Variants in CSMD3 observed in about 807,000 individuals in gnomAD.
The protein encoded by CSMD3 is CUB and Sushi multiple domains 3.
CSMD3 carries 177 observed loss-of-function variants against 435.2 expected under a neutral mutation model. The ratio of observed to expected loss-of-function variants is 0.41; its 90% CI spans 0.36 to 0.46. The LOEUF is 0.46. Among genes scored for constraint, CSMD3 ranks in the 20% least tolerant of loss-of-function variants. The pLI is 0.34. For missense variants in CSMD3, 4,265 were observed against 4,504.6 expected (o/e 0.95, Z 1.52); for synonymous variants, 1,656 against 1,520.5 (o/e 1.09, Z -2.07).
At chr8:112,562,023 A>G (rs775932622) in intron 24 of CSMD3, among the ~76,000 whole-genome samples, 2 of 151,642 alleles carry the variant, frequency 1.3e-5, no homozygotes, top group Non-Finnish European at 3.0e-5. Context: ...TGAAAATGCT[A>G]TACTTCTATG....
chr8:113,426,250 G>T (rs1369423587), intron 1 of CSMD3, among the ~76,000 whole-genome samples: 1 of 151,274 alleles, frequency 6.6e-6, no homozygotes, highest in Non-Finnish European at 1.5e-5. Context: ...TGGATTCAGA[G>T]AAGCCATTTC....
intron 3 of CSMD3, among the ~76,000 whole-genome samples, chr8:113,245,510 T>C (rs1299128603): frequency 6.6e-6 from 1 of 152,072 alleles, no homozygotes; most frequent in Non-Finnish European, 1.5e-5. Context: ...TTCAGTAATA[T>C]ATAAAAAACT....
chr8:113,137,552 T>C (rs2091447466), intron 4 of CSMD3, among the ~76,000 whole-genome samples: 1 of 151,642 alleles, frequency 6.6e-6, no homozygotes, highest in Non-Finnish European at 1.5e-5. Context: ...ATCCAGTATC[T>C]GGGCACCAGC....
intron 5 of CSMD3, among the ~76,000 whole-genome samples, chr8:113,095,118 T>C (rs1013228348): frequency 2.0e-5 from 3 of 152,112 alleles, no homozygotes; most frequent in Non-Finnish European, 2.9e-5. Context: ...GCATCTATTA[T>C]GTAAAATTCC....
chr8:112,520,585 G>T (rs1824179635), intron 27 of CSMD3, among the ~76,000 whole-genome samples: 1 of 151,970 alleles, frequency 6.6e-6, no homozygotes, highest in South Asian at 2.1e-4. Flanking sequence ...AGAACAATTT[G>T]TATCCATTTA....
chr8:113,421,011 C>T (rs1180111249), intron 1 of CSMD3, among the ~76,000 whole-genome samples: 1 of 151,132 alleles, frequency 6.6e-6, no homozygotes, highest in African/African-American at 2.4e-5. Flanking sequence ...AGAAATACTA[C>T]TGATAGAAAT....
intron 22 of CSMD3, among the ~76,000 whole-genome samples, chr8:112,621,005 G>C (rs1834025975): frequency 6.6e-6 from 1 of 152,126 alleles, no homozygotes; most frequent in Non-Finnish European, 1.5e-5. Context: ...GGTAGGCCGA[G>C]GTGGGCGGAT....
At chr8:113,049,461 T>C (rs2087991234) in intron 5 of CSMD3, among the ~76,000 whole-genome samples, 1 of 151,582 alleles carries the variant, frequency 6.6e-6, no homozygotes, top group African/African-American at 2.4e-5. Flanking sequence ...CTAATATTAA[T>C]AATGAACTGT....
In CSMD3 at chr8:112,304,765, G is replaced by C. The variant is rs760904121; in HGVS notation, c.8222C>G (p.Pro2741Arg). The C allele has an allele frequency of 1.9e-6, 3 of 1,613,830 alleles. No homozygotes were observed. The highest frequency in any genetic ancestry group is 2.5e-6 in the Non-Finnish European group (3 of 1,179,790). Reference sequence around the variant, plus strand: ...ATTTCTCCAACTCCAAGTACCATTAGGAAGACATTCGATGGAGGCAGGACC... The same window carrying C: ...ATTTCTCCAACTCCAAGTACCATTACGAAGACATTCGATGGAGGCAGGACC... ...GLGPASIECL[P>R]NGTWSWRNER... Residue 2741 changes from proline (P) to arginine (R), a missense_variant, in exon 52 of 71, where the codon CCT (proline) becomes CGT (arginine). Coordinates refer to ENST00000297405, the MANE Select transcript of CSMD3 (RefSeq NM_198123.2).
intron 2 of CSMD3, among the ~76,000 whole-genome samples, chr8:113,302,618 CA>C (rs1337841402): frequency 6.6e-6 from 1 of 151,860 alleles, no homozygotes. Context: ...GTAAGATTAT[CA>C]AATGGTCACT....
rs1819902231 is a variant in CSMD3 at position 112,292,812 on chromosome 8, T to C, written c.8615-102A>G. 3.9e-6 allele frequency: 4 copies of C among 1,019,366 alleles called. No individual in the cohort carries two copies. In the Admixed American group the frequency reaches 5.8e-5, roughly 15 times the overall value. 63.1% of individuals were successfully genotyped at this position (1,019,366 alleles called of 1,614,324 possible). On this transcript the variant is annotated intron_variant, in intron 54 of 70. Transcript: ENST00000297405. ...TTATACTTAATCATTTCAAACAAAG[T>C]AGAAAGAAGACTACTTTTTATCTGG...
chr8:113,059,279 G>T (rs994776812), intron 5 of CSMD3, among the ~76,000 whole-genome samples: 12 of 152,066 alleles, frequency 7.9e-5, no homozygotes, highest in African/African-American at 2.9e-4. Flanking sequence ...TTATACTGGT[G>T]CTTTGAGACA....
At chr8:113,087,924 C>T (rs1443305539) in intron 5 of CSMD3, among the ~76,000 whole-genome samples, 1 of 151,742 alleles carries the variant, frequency 6.6e-6, no homozygotes, top group Non-Finnish European at 1.5e-5. Context: ...GAACAGGCAA[C>T]CTACAAAATG....
At chr8:112,583,233 T>G (rs1288860228) in intron 23 of CSMD3, among the ~76,000 whole-genome samples, 1 of 151,986 alleles carries the variant, frequency 6.6e-6, no homozygotes, top group Non-Finnish European at 1.5e-5. Context: ...ACTTCGTCCT[T>G]GAGTAACTAG....
intron 8 of CSMD3, among the ~76,000 whole-genome samples, chr8:112,949,169 A>C (rs993416406): frequency 6.6e-6 from 1 of 152,074 alleles, no homozygotes; most frequent in Non-Finnish European, 1.5e-5. Context: ...AAATTGATTC[A>C]TCAGATAAGA....
chr8:112,234,676 A>G (rs1051621039), intron 67 of CSMD3, among the ~76,000 whole-genome samples, 199 bp from the exon 68 acceptor site: 25 of 152,180 alleles, frequency 1.6e-4, no homozygotes, highest in African/African-American at 6.0e-4. Flanking sequence ...GTCTTCTGAA[A>G]TCCTCAACTT....
chr8:113,394,326 C>A (rs11987296), intron 1 of CSMD3, among the ~76,000 whole-genome samples: 6 of 152,024 alleles, frequency 3.9e-5, no homozygotes, highest in East Asian at 3.9e-4. Flanking sequence ...AATATTATAT[C>A]GAATGTTTCT....
At chr8:113,152,021 T>TA (rs1298531130) in intron 4 of CSMD3, among the ~76,000 whole-genome samples, 1 of 151,986 alleles carries the variant, frequency 6.6e-6, no homozygotes, top group Non-Finnish European at 1.5e-5. Context: ...TGGGGGTTTT[T>TA]AGAGTATGAG....
intron 5 of CSMD3, among the ~76,000 whole-genome samples, chr8:113,045,996 C>A (rs1010647181): frequency 1.3e-5 from 2 of 149,406 alleles, no homozygotes; most frequent in African/African-American, 4.8e-5. Context: ...CTTTAAATGA[C>A]TGAATCGATT....
Sources: gnomAD v4.1 joint callset for allele counts (sites outside exome capture counted in the v4.1 genomes callset) on GRCh38, gnomAD v4.1.1 for gene constraint, MANE v1.5 for transcripts, NCBI Gene and HGNC (gene_info 2026-07-23, HGNC 2026-07-21) for gene names.